The following CNTNAP4 variants were observed in gnomAD, a reference collection of about 807,000 sequenced individuals.
CNTNAP4 encodes the protein contactin-associated protein-like 4.
In CNTNAP4, 98 loss-of-function variants were observed where a neutral mutation model predicts 148.4. That is an observed-to-expected ratio of 0.66 (90% CI 0.56 to 0.78). The LOEUF is 0.78. Among genes scored for constraint, CNTNAP4 ranks in the 30% least tolerant of loss-of-function variants. The pLI is 0.00. For synonymous variants in CNTNAP4, 730 were observed against 565.1 expected (o/e 1.29, Z -4.14); for missense variants, 1,935 against 1,565.6 (o/e 1.24, Z -3.98).
At chr16:76,420,204 T>C (rs2079130908) in intron 3 of CNTNAP4, among the ~76,000 whole-genome samples, 1 of 150,838 alleles carries the variant, frequency 6.6e-6, no homozygotes, top group South Asian at 2.1e-4. Context: ...AATATGTATA[T>C]TCTGTAGAAT....
At chr16:76,351,380 C>A (rs535721654) in intron 2 of CNTNAP4, among the ~76,000 whole-genome samples, 1 of 151,592 alleles carries the variant, frequency 6.6e-6, no homozygotes, top group East Asian at 1.9e-4. Context: ...AAAAAAAATT[C>A]TGCAAAGAAT....
At chr16:76,326,040 A>G (rs1962937721) in intron 2 of CNTNAP4, among the ~76,000 whole-genome samples, 1 of 152,228 alleles carries the variant, frequency 6.6e-6, no homozygotes, top group Admixed American at 6.5e-5. Flanking sequence ...TCTTGCAAAC[A>G]TATTTAAGGA....
intron 12 of CNTNAP4, among the ~76,000 whole-genome samples, chr16:76,486,717 C>G (rs2082042896): frequency 6.6e-6 from 1 of 152,186 alleles, no homozygotes. Flanking sequence ...TACCTTCTCT[C>G]CTCTAAAGAA....
At chr16:76,545,403 T>C (rs754476640) in intron 21 of CNTNAP4, among the ~76,000 whole-genome samples, 10 of 152,150 alleles carry the variant, frequency 6.6e-5, no homozygotes, top group Non-Finnish European at 1.5e-4. Flanking sequence ...AAGAATCACA[T>C]TACCTGATTT....
chr16:76,318,803 T>C (rs1962101734), intron 2 of CNTNAP4, among the ~76,000 whole-genome samples: 1 of 149,904 alleles, frequency 6.7e-6, no homozygotes, highest in African/African-American at 2.4e-5. Flanking sequence ...TTATGAGAAA[T>C]TATTCTCATA....
chr16:76,391,241 A>G (rs1041098892), intron 3 of CNTNAP4, among the ~76,000 whole-genome samples: 2 of 152,178 alleles, frequency 1.3e-5, no homozygotes, highest in African/African-American at 2.4e-5. Flanking sequence ...GCTCCTTTGC[A>G]TATGATGAGG....
intron 3 of CNTNAP4, among the ~76,000 whole-genome samples, chr16:76,415,486 C>G (rs1160932134): frequency 6.6e-6 from 1 of 150,866 alleles, no homozygotes; most frequent in African/African-American, 2.4e-5. Context: ...AATTAGAATT[C>G]AAAGTCTAAT....
At position 76,558,731 on chromosome 16, in the gene CNTNAP4, C is replaced by T; in HGVS notation, c.*48C>T. The stretch of plus-strand genomic sequence containing the variant: ...AAATTATGATAGTTTGTTTTAATAG[C>T]CAGGGGTTCTCAATGGAAAAACGAA... On this transcript the variant is annotated 3_prime_UTR_variant, in exon 24 of 24. Transcript: ENST00000611870. 1 of 1,417,778 alleles carries T rather than the reference C, an allele frequency of 7.1e-7. No homozygotes were observed. Among genetic ancestry groups the T allele is most frequent in the Non-Finnish European group, 9.7e-7 (1 of 1,035,132 alleles). 87.8% of individuals were successfully genotyped at this position (1,417,778 alleles called of 1,614,324 possible).
chr16:76,304,612 C>G (rs1424249244), intron 1 of CNTNAP4, among the ~76,000 whole-genome samples: 1 of 152,062 alleles, frequency 6.6e-6, no homozygotes, highest in Non-Finnish European at 1.5e-5. Context: ...TTGTGTAACT[C>G]AAAATAAAAT....
At chr16:76,317,942 G>A (rs1161980777) in intron 2 of CNTNAP4, among the ~76,000 whole-genome samples, 1 of 152,136 alleles carries the variant, frequency 6.6e-6, no homozygotes, top group Admixed American at 6.5e-5. Flanking sequence ...GGGAAACTGG[G>A]GGGTGTTTGA....
chr16:76,380,811 C>T (rs1338888841), intron 3 of CNTNAP4, among the ~76,000 whole-genome samples: 1 of 152,128 alleles, frequency 6.6e-6, no homozygotes, highest in Non-Finnish European at 1.5e-5. Context: ...GGAACCACTG[C>T]GTGCTCAGGA....
chr16:76,385,630 C>T (rs1259097857), intron 3 of CNTNAP4, among the ~76,000 whole-genome samples: 1 of 151,196 alleles, frequency 6.6e-6, no homozygotes, highest in East Asian at 2.0e-4. Context: ...CTATAAAGTT[C>T]CTGTGAACAC....
intron 1 of CNTNAP4, chr16:76,309,897 A>C (rs571185033): frequency 1.4e-6 from 1 of 701,856 alleles, no homozygotes; most frequent in East Asian, 2.7e-5. Context: ...CTTCCCAGCT[A>C]TGTGGAACTG....
chr16:76,544,525 A>G (rs764373237), intron 21 of CNTNAP4, among the ~76,000 whole-genome samples: 1 of 152,224 alleles, frequency 6.6e-6, no homozygotes, highest in South Asian at 2.1e-4. Context: ...AGTACTTAAT[A>G]ACTTTGGCAA....
intron 3 of CNTNAP4, among the ~76,000 whole-genome samples, chr16:76,423,781 C>T (rs1365436726): frequency 6.6e-6 from 1 of 152,046 alleles, no homozygotes; most frequent in East Asian, 1.9e-4. Context: ...ATTTATTGAT[C>T]AGTTAATAAA....
intron 15 of CNTNAP4, among the ~76,000 whole-genome samples, chr16:76,513,197 T>C (rs2083096437): frequency 1.3e-5 from 2 of 152,258 alleles, no homozygotes; most frequent in African/African-American, 4.8e-5. Flanking sequence ...ACAGGTGATG[T>C]TGCAGGAAGG....
At chr16:76,460,773 A>ATAAATAAATATAT (rs1555564517) in intron 8 of CNTNAP4, among the ~76,000 whole-genome samples, 2 of 57,324 alleles carry the variant, frequency 3.5e-5, no homozygotes, top group African/African-American at 1.3e-4. Context: ...AAAAAAAAAA[A>ATAAATAAATATAT]ATATATATAT....
chr16:76,383,458 A>G lies in CNTNAP4; in HGVS notation c.390+27947A>G, dbSNP rs1157226066. Among the ~76,000 whole-genome samples the G allele has an allele frequency of 3.3e-5, 5 of 151,922 alleles. No individual in the cohort carries two copies. The South Asian group carries it at 6.2e-4, about 19-fold the overall frequency. On this transcript the variant is annotated intron_variant, in intron 3 of 23. Coordinates refer to ENST00000611870, the MANE Select transcript of CNTNAP4 (RefSeq NM_033401.5). ...GGGAACAATGAGCAAGGTGGGAAAC[A>G]TTATAGAACAAATGGGGCCATTTTT...
At chr16:76,531,527 A>G (rs998225279) in intron 17 of CNTNAP4, among the ~76,000 whole-genome samples, 1 of 152,172 alleles carries the variant, frequency 6.6e-6, no homozygotes, top group African/African-American at 2.4e-5. Context: ...GAAATTCATT[A>G]TATCTGATAT....
Sources: gnomAD v4.1 joint callset for allele counts (sites outside exome capture counted in the v4.1 genomes callset) on GRCh38, gnomAD v4.1.1 for gene constraint, MANE v1.5 for transcripts, NCBI Gene and HGNC (gene_info 2026-07-23, HGNC 2026-07-21) for gene names.